Variants in CRACDL observed in about 807,000 individuals in gnomAD.
CRACDL encodes CRACD like.
Under a neutral mutation model 70.6 loss-of-function variants are expected in CRACDL, and 26 were observed. The ratio of observed to expected loss-of-function variants is 0.37; its 90% CI spans 0.27 to 0.51. The LOEUF (loss-of-function observed/expected upper bound fraction) is 0.51, where lower values mean the gene tolerates loss of function less well. CRACDL is among the 20% of genes least tolerant of loss of function. CRACDL has a pLI of 0.94. For missense variants in CRACDL, 1,283 were observed against 1,376.9 expected (o/e 0.93, Z 1.08); for synonymous variants, 618 against 615.2 (o/e 1.00, Z -0.07).
chr2:98,848,906 T>C (rs1387623020), intron 1 of CRACDL, among the ~76,000 whole-genome samples: 1 of 152,202 alleles, frequency 6.6e-6, no homozygotes, highest in Non-Finnish European at 1.5e-5. Context: ...TTTCTGATAT[T>C]AAGCGGTTTA....
At chr2:98,908,770 G>T (rs1708476291) in intron 1 of CRACDL, among the ~76,000 whole-genome samples, 1 of 152,086 alleles carries the variant, frequency 6.6e-6, no homozygotes, top group African/African-American at 2.4e-5. Flanking sequence ...GACATTCAGA[G>T]TCTACCGAAG....
chr2:98,798,227 C>T (rs1559197554), intron 7 of CRACDL, among the ~76,000 whole-genome samples: 1 of 152,054 alleles, frequency 6.6e-6, no homozygotes. Flanking sequence ...TGCCTGTAGT[C>T]CCACCTACTT....
At chr2:98,861,739 G>C (rs1706945320) in intron 1 of CRACDL, among the ~76,000 whole-genome samples, 1 of 152,128 alleles carries the variant, frequency 6.6e-6, no homozygotes, top group South Asian at 2.1e-4. Context: ...TCAACTGAAG[G>C]CTTGCAACTT....
intron 1 of CRACDL, among the ~76,000 whole-genome samples, chr2:98,923,098 C>T (rs572311249): frequency 4.6e-5 from 7 of 151,916 alleles, no homozygotes; most frequent in South Asian, 2.1e-4. Context: ...AGTGAAATCT[C>T]GTCTCTACTA....
In CRACDL at chr2:98,832,855, C is replaced by T. The variant is rs376786944; in HGVS notation, c.375+7G>A. On this transcript the variant is annotated splice_region_variant and intron_variant, in intron 4 of 9. Transcript: ENST00000397899. ...ACACCAGGCGACATGACCAAGGAAA[C>T]ATTTACCTGCAGAGCTTTAATCCGA... 147 of 1,613,506 alleles carry T rather than the reference C, an allele frequency of 9.1e-5. No homozygotes were observed. Among genetic ancestry groups the T allele is most frequent in the Admixed American group, 1.2e-4 (7 of 59,760 alleles).
rs1445418537 is a variant in CRACDL, at chr2:98,796,175, C to T, written c.2694G>A (p.Lys898=). 1.2e-6 allele frequency: 2 copies of T among 1,614,092 alleles called. No homozygotes were observed. Among genetic ancestry groups the T allele is most frequent in the Non-Finnish European group, 1.7e-6 (2 of 1,180,018 alleles). Residue 898 remains lysine (K), a synonymous_variant, in exon 9 of 10, where the codon AAG becomes AAA. Transcript: ENST00000397899. ...KPAVDRKQGA[K]LNFKEGLQRG... ...TTTGCAGCCCCTCCTTGAAGTTGAG[C>T]TTTGCCCCCTGCTTCCGGTCCACAG...
intron 1 of CRACDL, among the ~76,000 whole-genome samples, chr2:98,906,156 A>G (rs1010310672): frequency 3.3e-5 from 5 of 151,830 alleles, no homozygotes; most frequent in Non-Finnish European, 5.9e-5. Context: ...ACTCAGTTTG[A>G]ATGGTTTTTA....
intron 1 of CRACDL, among the ~76,000 whole-genome samples, chr2:98,920,580 C>G (rs1281515853): frequency 6.6e-6 from 1 of 152,104 alleles, no homozygotes; most frequent in Non-Finnish European, 1.5e-5. Context: ...CAGCACCCGT[C>G]CAGTCCCATC....
chr2:98,889,867 T>C (rs952194522), intron 1 of CRACDL, among the ~76,000 whole-genome samples: 16 of 152,132 alleles, frequency 1.1e-4, no homozygotes, highest in African/African-American at 3.6e-4. Flanking sequence ...ATTTGAGAAA[T>C]TCACAAATAG....
intron 1 of CRACDL, chr2:98,869,401 A>C: frequency 3.2e-6 from 2 of 630,812 alleles, no homozygotes; most frequent in Non-Finnish European, 4.5e-6. Context: ...TCCGCCTTCC[A>C]CTCCAAGCCC....
intron 5 of CRACDL, among the ~76,000 whole-genome samples, chr2:98,827,587 G>A (rs1177909448): frequency 5.3e-5 from 8 of 152,214 alleles, no homozygotes; most frequent in African/African-American, 1.9e-4. Context: ...ACCGCACCCG[G>A]CCAATACTTT....
At chr2:98,804,290 G>A (rs1022102485) in intron 7 of CRACDL, among the ~76,000 whole-genome samples, 9 of 152,288 alleles carry the variant, frequency 5.9e-5, no homozygotes, top group Non-Finnish European at 8.8e-5. Context: ...TAAGCTTACC[G>A]CCATTCCTTC....
At chr2:98,931,990 C>T (rs1198085470) in intron 1 of CRACDL, among the ~76,000 whole-genome samples, 1 of 152,198 alleles carries the variant, frequency 6.6e-6, no homozygotes, top group African/African-American at 2.4e-5. Flanking sequence ...ATAAATGTGT[C>T]TTAAGGACTC....
Position 98,823,953 on chromosome 2 carries a change from A to C in CRACDL, c.736-416T>G, listed in dbSNP as rs1237046617. 6.6e-6 allele frequency among the ~76,000 whole-genome samples: 1 copy of C among 152,186 alleles called. No individual in the cohort carries two copies. Among genetic ancestry groups the C allele is most frequent in the Non-Finnish European group, 1.5e-5 (1 of 68,030 alleles). On this transcript the variant is annotated intron_variant, in intron 6 of 9. Transcript: ENST00000397899. The surrounding 1 kb of genome is among the most constrained non-coding windows in gnomAD (Gnocchi z 4.0). ...GCACTTGAGAGCCAGGAACTCAGAGAGGCCAATACCTTGTTCAAGCCTGGG... is the reference window on the plus strand; with the variant it reads ...GCACTTGAGAGCCAGGAACTCAGAGCGGCCAATACCTTGTTCAAGCCTGGG...
At chr2:98,891,582 G>A (rs1430523195) in intron 1 of CRACDL, among the ~76,000 whole-genome samples, 1 of 151,956 alleles carries the variant, frequency 6.6e-6, no homozygotes, top group African/African-American at 2.4e-5. Flanking sequence ...AAAGTAGAGA[G>A]GAGGAAGTGA....
intron 1 of CRACDL, among the ~76,000 whole-genome samples, chr2:98,931,012 T>C (rs1260174713): frequency 3.3e-5 from 5 of 152,096 alleles, no homozygotes; most frequent in Admixed American, 1.3e-4. Context: ...GTTGCAGGAC[T>C]TCTAAGTGGC....
chr2:98,912,448 C>G (rs1206069556), intron 1 of CRACDL, among the ~76,000 whole-genome samples: 1 of 152,192 alleles, frequency 6.6e-6, no homozygotes, highest in Non-Finnish European at 1.5e-5. Flanking sequence ...CATGCAGGGT[C>G]CATGTTTGTC....
intron 1 of CRACDL, among the ~76,000 whole-genome samples, chr2:98,887,494 G>A (rs987851011): frequency 2.0e-5 from 3 of 151,968 alleles, no homozygotes; most frequent in Admixed American, 6.6e-5. Context: ...AAAGAAAAAT[G>A]AACAGAGCCT....
chr2:98,808,990 G>A (rs1253841861), intron 7 of CRACDL, among the ~76,000 whole-genome samples: 1 of 152,168 alleles, frequency 6.6e-6, no homozygotes, highest in Non-Finnish European at 1.5e-5. Context: ...GCCCGATCCT[G>A]GTCTCCCATG....
Sources: gnomAD v4.1 joint callset for allele counts (sites outside exome capture counted in the v4.1 genomes callset) on GRCh38, gnomAD v4.1.1 for gene constraint, Gnocchi (gnomAD v3.1) non-coding constraint, MANE v1.5 for transcripts, NCBI Gene and HGNC (gene_info 2026-07-23, HGNC 2026-07-21) for gene names.